Variants in ARHGAP15 observed in about 807,000 individuals in gnomAD.
The protein encoded by ARHGAP15 is Rho GTPase activating protein 15.
Under a neutral mutation model 63.7 loss-of-function variants are expected in ARHGAP15, and 51 were observed. The observed-to-expected ratio is 0.80, with a 90% CI of 0.64 to 1.01. The LOEUF is 1.01. Ranked by LOEUF, ARHGAP15 falls within the 50% of genes least tolerant of loss-of-function variation. ARHGAP15 has a pLI of 0.00. For missense variants in ARHGAP15, 560 were observed against 564.6 expected, an observed-to-expected ratio of 0.99 and a Z score of 0.08; for synonymous variants, 191 against 193.8, an observed-to-expected ratio of 0.99 and a Z score of 0.12.
chr2:143,632,974 C>T (rs1680128071), intron 12 of ARHGAP15, among the ~76,000 whole-genome samples: 1 of 152,054 alleles, frequency 6.6e-6, no homozygotes, highest in Admixed American at 6.6e-5. Flanking sequence ...TGACAAATTG[C>T]CTTAAAACCA....
At chr2:143,591,535 C>A (rs1328452095) in intron 11 of ARHGAP15, among the ~76,000 whole-genome samples, 1 of 151,634 alleles carries the variant, frequency 6.6e-6, no homozygotes, top group East Asian at 1.9e-4. Flanking sequence ...TAATATGAAA[C>A]CCAAGTGAAA....
chr2:143,644,920 A>C (rs575314228), intron 12 of ARHGAP15, among the ~76,000 whole-genome samples: 29 of 152,226 alleles, frequency 1.9e-4, no homozygotes, highest in African/African-American at 6.0e-4. Flanking sequence ...TCTATCTGCT[A>C]TCCAAATATA....
intron 8 of ARHGAP15, among the ~76,000 whole-genome samples, chr2:143,469,099 A>C (rs2105180614): frequency 6.6e-6 from 1 of 152,352 alleles, no homozygotes; most frequent in Non-Finnish European, 1.5e-5. Flanking sequence ...AAAGGATCAG[A>C]TAAGCATTGC....
At chr2:143,534,965 ATTATT>A (rs1365172095) in intron 10 of ARHGAP15, among the ~76,000 whole-genome samples, 5 of 152,108 alleles carry the variant, frequency 3.3e-5, no homozygotes, top group Admixed American at 6.5e-5. Context: ...TGAAAGAAAA[ATTATT>A]TTATAAGTTT....
chr2:143,681,980 G>T (rs1683118838), intron 12 of ARHGAP15, among the ~76,000 whole-genome samples: 1 of 152,212 alleles, frequency 6.6e-6, no homozygotes, highest in African/African-American at 2.4e-5. Flanking sequence ...GCAGCTAGTA[G>T]AGCATTGTTC....
At chr2:143,196,207 G>A (rs573813089) in intron 2 of ARHGAP15, among the ~76,000 whole-genome samples, 2 of 152,126 alleles carry the variant, frequency 1.3e-5, no homozygotes, top group Middle Eastern at 6.8e-3. Flanking sequence ...AAGAACAGAA[G>A]TAGAAAGGGA....
chr2:143,762,535 T>C (rs1021497302), intron 13 of ARHGAP15, among the ~76,000 whole-genome samples: 2 of 152,146 alleles, frequency 1.3e-5, no homozygotes, highest in East Asian at 3.9e-4. Flanking sequence ...CAGGGTGGCA[T>C]AGGAGGATAA....
chr2:143,611,611 C>T (rs988224371), intron 11 of ARHGAP15, among the ~76,000 whole-genome samples: 1 of 152,114 alleles, frequency 6.6e-6, no homozygotes, highest in Admixed American at 6.6e-5. Flanking sequence ...CACTTCTATG[C>T]TGATAATTTT....
intron 1 of ARHGAP15, among the ~76,000 whole-genome samples, chr2:143,142,761 T>A (rs1689423298): frequency 6.6e-6 from 1 of 152,052 alleles, no homozygotes; most frequent in Non-Finnish European, 1.5e-5. Context: ...ACCCCACCAG[T>A]AAGTGCACAA....
chr2:143,704,371 C>T (rs1225800002), intron 13 of ARHGAP15, among the ~76,000 whole-genome samples: 1 of 152,096 alleles, frequency 6.6e-6, no homozygotes, highest in Non-Finnish European at 1.5e-5. Flanking sequence ...GAGTGGAGCC[C>T]TCAGAGAGAA....
chr2:143,475,872 C>G (rs577565275), intron 8 of ARHGAP15, among the ~76,000 whole-genome samples: 157 of 152,372 alleles, frequency 1.0e-3, no homozygotes, highest in African/African-American at 3.8e-3. Context: ...TTTCTTGACT[C>G]TCATTTGCCA....
chr2:143,489,999 T>C (rs1692508897), intron 9 of ARHGAP15, among the ~76,000 whole-genome samples: 1 of 152,114 alleles, frequency 6.6e-6, no homozygotes, highest in African/African-American at 2.4e-5. Context: ...CTTTTTGTTT[T>C]TGTTTTTGTT....
chr2:143,512,706 C>T (rs1266201276), intron 9 of ARHGAP15, among the ~76,000 whole-genome samples: 1 of 152,196 alleles, frequency 6.6e-6, no homozygotes, highest in Non-Finnish European at 1.5e-5. Context: ...GAGGGGATCT[C>T]ATGGTATTTA....
At chr2:143,507,823 T>A (rs1693392120) in intron 9 of ARHGAP15, among the ~76,000 whole-genome samples, 1 of 152,112 alleles carries the variant, frequency 6.6e-6, no homozygotes, top group Admixed American at 6.5e-5. Flanking sequence ...TCTTCCTTCA[T>A]CAGTAGATCC....
At chr2:143,679,853 C>T (rs1262031206) in intron 12 of ARHGAP15, among the ~76,000 whole-genome samples, 1 of 151,976 alleles carries the variant, frequency 6.6e-6, no homozygotes, top group African/African-American at 2.4e-5. Flanking sequence ...AGGGAGAGAT[C>T]TCAGGCCACC....
At chr2:143,624,455 GGTTT>G (rs2105241764) in intron 12 of ARHGAP15, among the ~76,000 whole-genome samples, 188 bp downstream of exon 12, 1 of 152,034 alleles carries the variant, frequency 6.6e-6, no homozygotes, top group Admixed American at 6.6e-5. Flanking sequence ...TATTATCTGA[GGTTT>G]GTTTGTTTTT....
At chr2:143,617,776 T>C (rs559587008) in intron 11 of ARHGAP15, among the ~76,000 whole-genome samples, 4 of 152,322 alleles carry the variant, frequency 2.6e-5, no homozygotes, top group African/African-American at 7.2e-5. Context: ...AATAATATGA[T>C]TCTAGGGAAG....
At chr2:143,195,057 A>G (rs1360591242) in intron 2 of ARHGAP15, among the ~76,000 whole-genome samples, 1 of 152,140 alleles carries the variant, frequency 6.6e-6, no homozygotes, top group Non-Finnish European at 1.5e-5. Flanking sequence ...AAAAAAATCC[A>G]CACTTTTTTA....
intron 13 of ARHGAP15, among the ~76,000 whole-genome samples, chr2:143,763,653 T>C (rs534226249): frequency 3.3e-5 from 5 of 149,676 alleles, no homozygotes; most frequent in Admixed American, 2.7e-4. Context: ...GCAAATTGCA[T>C]ATATATAAAT....
Sources: gnomAD v4.1 joint callset for allele counts (sites outside exome capture counted in the v4.1 genomes callset) on GRCh38, gnomAD v4.1.1 for gene constraint, MANE v1.5 for transcripts, NCBI Gene and HGNC (gene_info 2026-07-23, HGNC 2026-07-21) for gene names.